Variants in FAM124B observed in about 807,000 individuals in gnomAD.
FAM124B encodes the protein protein FAM124B.
In FAM124B, 18 loss-of-function variants were observed where a neutral mutation model predicts 19.7. The observed-to-expected ratio is 0.92, with a 90% CI of 0.63 to 1.36. The LOEUF is 1.36. FAM124B is among the 40% of genes most tolerant of loss of function. The pLI is 0.00. For synonymous variants in FAM124B, 223 were observed against 225.2 expected, an observed-to-expected ratio of 0.99 and a Z score of 0.09; for missense variants, 540 against 553.3, an observed-to-expected ratio of 0.98 and a Z score of 0.24.
chr2:224,385,170 C>T (rs1559308255), intron 1 of FAM124B, among the ~76,000 whole-genome samples: 3 of 152,164 alleles, frequency 2.0e-5, no homozygotes, highest in African/African-American at 4.8e-5. Flanking sequence ...TTACTGTCTG[C>T]CTCTTCTTAC....
At chr2:224,386,733 G>C (rs1340116073) in intron 1 of FAM124B, among the ~76,000 whole-genome samples, 1 of 152,170 alleles carries the variant, frequency 6.6e-6, no homozygotes, top group African/African-American at 2.4e-5. Context: ...TATGTCCAGT[G>C]CCTAGCACAG....
rs1264304866 is a variant in FAM124B, at chr2:224,401,682, G to A, written c.87C>T (p.Asp29=). The A allele has an allele frequency of 1.2e-6, 2 of 1,614,202 alleles. No homozygotes were observed. Among genetic ancestry groups the A allele is most frequent in the Non-Finnish European group, 8.5e-7 (1 of 1,180,048 alleles). ...CTGGGCAAATGCAATCCAGGAGCTG[G>A]TCCAGAGTCCTCTGCAGAAGGGAGC... ...GHGSLLQRTL[D]QLLDCICPEV... The change falls in exon 1 of 2, where the codon GAC becomes GAT. Residue 29 remains aspartate, a synonymous_variant. Transcript: ENST00000409685.
Position 224,379,470 on chromosome 2 carries a change from G to T in FAM124B, c.*103C>A. ...ACAGATTGTGCATGGGGAGCATTCAGCCCCCCTCAGATGAACAACTAACAG... is the reference window on the plus strand; with the variant it reads ...ACAGATTGTGCATGGGGAGCATTCATCCCCCCTCAGATGAACAACTAACAG... On this transcript the variant is annotated 3_prime_UTR_variant, in exon 2 of 2. Coordinates refer to ENST00000409685, the MANE Select transcript of FAM124B (RefSeq NM_001122779.2). 2 of 1,388,670 alleles carry T rather than the reference G, an allele frequency of 1.4e-6. No individual in the cohort carries two copies. The highest frequency in any genetic ancestry group is 1.9e-6 in the Non-Finnish European group (2 of 1,050,952). 86.0% of individuals were successfully genotyped at this position (1,388,670 alleles called of 1,614,324 possible).
intron 1 of FAM124B, among the ~76,000 whole-genome samples, chr2:224,381,747 G>A (rs376769190): frequency 2.0e-5 from 3 of 152,258 alleles, no homozygotes. Flanking sequence ...CTCTGATAAA[G>A]GATGTTGACA....
chr2:224,396,012 A>C (rs560076543), intron 1 of FAM124B, among the ~76,000 whole-genome samples: 1 of 152,322 alleles, frequency 6.6e-6, no homozygotes, highest in Admixed American at 6.5e-5. Context: ...CATTTCACCA[A>C]GGATAGAATA....
rs1294069382 is a variant in FAM124B, at chr2:224,401,052, G to A, written c.717C>T (p.Asn239=). ...TRWQTQDYDG[N]KILLQVQLNP... The stretch of plus-strand genomic sequence containing the variant: ...ACAGAAATACCTGAAGCAGAATCTT[G>A]TTGCCATCGTAGTCCTGAGTCTGCC... The change falls in exon 1 of 2, where the codon AAC becomes AAT. Residue 239 remains asparagine, a synonymous_variant. Coordinates refer to ENST00000409685, the MANE Select transcript of FAM124B (RefSeq NM_001122779.2). 9 of 1,600,416 alleles carry A rather than the reference G, an allele frequency of 5.6e-6. No individual in the cohort carries two copies. In the Admixed American group the frequency reaches 1.4e-4, roughly 24 times the overall value.
At position 224,379,891 on chromosome 2, in the gene FAM124B, C is replaced by T. The variant is rs1393024682; in HGVS notation, c.1050G>A (p.Arg350=). Residue 350 remains arginine (R), a synonymous_variant, in exon 2 of 2, where the codon CGG becomes CGA. Coordinates refer to ENST00000409685, the MANE Select transcript of FAM124B (RefSeq NM_001122779.2). ...ESGARMKVLN[R]ENSFQKLEAE... ...CCTCAAGCTTCTGAAAGCTGTTTTC[C>T]CGGTTGAGGACCTTCATTCTGGCCC... 2 of 1,551,942 alleles carry T rather than the reference C, an allele frequency of 1.3e-6. No individual in the cohort carries two copies. The highest frequency in any genetic ancestry group is 2.4e-5 in the East Asian group (1 of 40,920).
Position 224,401,941 on chromosome 2 carries a change from T to C in FAM124B, c.-173A>G. On this transcript the variant is annotated 5_prime_UTR_variant, in exon 1 of 2. Transcript: ENST00000409685. Reference sequence around the variant, plus strand: ...ACTAACACGTGCTCCTGGCCACCCGTGGACTTACGGCAAGAGAAGCTCACA... The same window carrying C: ...ACTAACACGTGCTCCTGGCCACCCGCGGACTTACGGCAAGAGAAGCTCACA... 1 of 709,768 alleles carries C rather than the reference T, an allele frequency of 1.4e-6. No individual in the cohort carries two copies. The allele number at this position is 709,768 out of a possible 1,614,324, so 44.0% of individuals were successfully genotyped here. A position where few individuals can be genotyped will look rare whatever the true frequency, so the allele number is the denominator to read the frequency against.
chr2:224,398,604 A>G (rs16865944), intron 1 of FAM124B, among the ~76,000 whole-genome samples: 1,970 of 152,286 alleles, frequency 0.013, 31 homozygotes, highest in African/African-American at 0.043. Flanking sequence ...GAGGAGATCA[A>G]AGCGTGTTTT....
At chr2:224,382,140 C>T (rs1034173664) in intron 1 of FAM124B, among the ~76,000 whole-genome samples, 5 of 152,174 alleles carry the variant, frequency 3.3e-5, no homozygotes, top group African/African-American at 4.8e-5. Flanking sequence ...CAAATATTTT[C>T]GGCAAGGAGC....
At chr2:224,389,522 T>G (rs7565362) in intron 1 of FAM124B, among the ~76,000 whole-genome samples, 3 of 152,040 alleles carry the variant, frequency 2.0e-5, no homozygotes. Context: ...AGCTGGGGAC[T>G]GATTGGATGT....
intron 1 of FAM124B, among the ~76,000 whole-genome samples, chr2:224,392,515 G>T (rs141568448): frequency 6.6e-6 from 1 of 152,236 alleles, no homozygotes; most frequent in East Asian, 1.9e-4. Flanking sequence ...AGCACTTTAG[G>T]ATGCTGAGGC....
intron 1 of FAM124B, among the ~76,000 whole-genome samples, chr2:224,389,974 G>A (rs2106082447): frequency 6.6e-6 from 1 of 152,078 alleles, no homozygotes; most frequent in South Asian, 2.1e-4. Flanking sequence ...AACTGATAGA[G>A]ATCAGGGCTG....
chr2:224,385,345 T>C (rs913441554), intron 1 of FAM124B, among the ~76,000 whole-genome samples: 34 of 152,192 alleles, frequency 2.2e-4, no homozygotes, highest in African/African-American at 7.7e-4. Flanking sequence ...TCTTGGCCAA[T>C]AAATTCCACT....
At chr2:224,398,503 G>A (rs1690011673) in intron 1 of FAM124B, among the ~76,000 whole-genome samples, 1 of 152,158 alleles carries the variant, frequency 6.6e-6, no homozygotes, top group Non-Finnish European at 1.5e-5. Context: ...ACTTTCCTCA[G>A]GCACTTTTAT....
intron 1 of FAM124B, among the ~76,000 whole-genome samples, chr2:224,386,355 A>T (rs1376096302): frequency 6.6e-6 from 1 of 152,196 alleles, no homozygotes; most frequent in Non-Finnish European, 1.5e-5. Context: ...CAGCATTGAG[A>T]AGGAAGCCTT....
chr2:224,380,890 TAC>T (rs1689703311), intron 1 of FAM124B, among the ~76,000 whole-genome samples: 1 of 152,260 alleles, frequency 6.6e-6, no homozygotes, highest in Non-Finnish European at 1.5e-5. Flanking sequence ...GTTACAAACT[TAC>T]AGACACCACT....
At chr2:224,390,924 C>T (rs1173834908) in intron 1 of FAM124B, among the ~76,000 whole-genome samples, 2 of 151,210 alleles carry the variant, frequency 1.3e-5, no homozygotes, top group Non-Finnish European at 3.0e-5. Context: ...AGGATGGTCG[C>T]GATCTCCTGA....
chr2:224,390,697 T>C (rs1292908161), intron 1 of FAM124B, among the ~76,000 whole-genome samples: 6 of 126,862 alleles, frequency 4.7e-5, no homozygotes, highest in Admixed American at 4.4e-4. Flanking sequence ...AACAAACTTT[T>C]TTTTTTGTTT....
Sources: allele counts gnomAD v4.1 joint callset (sites outside exome capture counted in the v4.1 genomes callset), GRCh38; gene constraint gnomAD v4.1.1; transcripts MANE v1.5; gene names NCBI Gene and HGNC (gene_info 2026-07-23, HGNC 2026-07-21).